ABLIM1: variants seen among roughly 807,000 people sequenced by gnomAD.
The protein encoded by ABLIM1 is actin binding LIM protein 1.
Under a neutral mutation model 107.0 loss-of-function variants are expected in ABLIM1, and 40 were observed. The observed-to-expected ratio is 0.37, with a 90% CI of 0.29 to 0.49. The LOEUF (loss-of-function observed/expected upper bound fraction) is 0.49, where lower values mean the gene tolerates loss of function less well. Among genes scored for constraint, ABLIM1 ranks in the 20% least tolerant of loss-of-function variants. The probability of loss-of-function intolerance (pLI) is 0.97; values close to 1 mark genes in which losing one functional copy is unlikely to be tolerated. For missense variants in ABLIM1, 857 were observed against 1,008.5 expected (o/e 0.85, Z 2.04); for synonymous variants, 357 against 357.3 (o/e 1.00, Z 0.01).
the ABLIM1 span, among the ~76,000 whole-genome samples, chr10:114,773,664 G>C: frequency 2.0e-5 from 3 of 152,212 alleles, no homozygotes; most frequent in Non-Finnish European, 4.4e-5. Flanking sequence ...GGAGGATGCA[G>C]TGAGCTGAGA....
intron 2 of ABLIM1, among the ~76,000 whole-genome samples, chr10:114,582,375 A>G (rs898364503): frequency 2.0e-5 from 3 of 152,130 alleles, no homozygotes; most frequent in Admixed American, 1.3e-4. Context: ...GCAACAAACA[A>G]AAAACACATT....
intron 1 of ABLIM1, among the ~76,000 whole-genome samples, chr10:114,749,722 T>TC (rs1166196668): frequency 6.6e-6 from 1 of 151,926 alleles, no homozygotes; most frequent in Non-Finnish European, 1.5e-5. Flanking sequence ...CTCTCTGCCC[T>TC]CCCCTCCTAC....
intron 1 of ABLIM1, among the ~76,000 whole-genome samples, chr10:114,718,898 TAGA>T (rs1328688996): frequency 1.3e-5 from 2 of 152,230 alleles, no homozygotes; most frequent in East Asian, 1.9e-4. Context: ...GAAAAGTTAC[TAGA>T]AGGTTTCCGA....
In ABLIM1 at chr10:114,601,873, A is replaced by G; in HGVS notation, c.333T>C (p.Leu111=). Residue 111 remains leucine, a synonymous_variant, in exon 2 of 23, where the codon CTT becomes CTC. Transcript: ENST00000533213. ...TGTGGAAATGTTTGGTCTGGACCCGAAGCACTTCACCCTTGCAAGGCTCCC... is the reference window on the plus strand; with the variant it reads ...TGTGGAAATGTTTGGTCTGGACCCGGAGCACTTCACCCTTGCAAGGCTCCC... The part of the protein sequence containing the change: ...KCGEPCKGEV[L]RVQTKHFHIK... 1.9e-6 allele frequency: 3 copies of G among 1,614,146 alleles called. No homozygotes were observed. Among genetic ancestry groups the G allele is most frequent in the Non-Finnish European group, 2.5e-6 (3 of 1,180,020 alleles).
At chr10:114,468,136 T>A in intron 11 of ABLIM1, 45 bp downstream of exon 11, 1 of 1,565,242 alleles carries the variant, frequency 6.4e-7, no homozygotes, top group Non-Finnish European at 8.8e-7. Context: ...GCCAAGCAAT[T>A]CTCAAATTCC....
intron 1 of ABLIM1, among the ~76,000 whole-genome samples, chr10:114,763,132 G>A (rs556606094): frequency 6.6e-6 from 1 of 152,282 alleles, no homozygotes; most frequent in South Asian, 2.1e-4. Context: ...TTTGTTTTCT[G>A]CATGTGTCTT....
At position 114,491,012 on chromosome 10, in the gene ABLIM1, G is replaced by GTGTGTGTATATATATATATATATATA; in HGVS notation, c.982+778_982+779insTATATATATATATATATATACACACA. On this transcript the variant is annotated intron_variant, in intron 7 of 22. Coordinates refer to ENST00000533213, the MANE Select transcript of ABLIM1 (RefSeq NM_002313.7). ...TGTGTGTGTGTGTGTGTGTGTGTGT[G>GTGTGTGTATATATATATATATATATA]TATATATATATATGGTCTATTTTAT... Among the ~76,000 whole-genome samples, 163 of 92,314 alleles carry GTGTGTGTATATATATATATATATATA rather than the reference G, an allele frequency of 1.8e-3. 2 individuals are homozygous for GTGTGTGTATATATATATATATATATA. The East Asian group carries it at 0.019, about 11-fold the overall frequency. The allele number at this position is 92,314 out of a possible 152,430, so 60.6% of individuals were successfully genotyped here.
chr10:114,594,664 C>T (rs550649053), intron 2 of ABLIM1, among the ~76,000 whole-genome samples: 2 of 152,270 alleles, frequency 1.3e-5, no homozygotes, highest in South Asian at 2.1e-4. Flanking sequence ...GCAGGGGAAT[C>T]GTTTGAACCT....
At chr10:114,446,074 A>G (rs1282278446) in intron 15 of ABLIM1, among the ~76,000 whole-genome samples, 4 of 152,202 alleles carry the variant, frequency 2.6e-5, no homozygotes, top group African/African-American at 9.6e-5. Flanking sequence ...GCCCAGCCTC[A>G]ATTTTCAAAT....
At chr10:114,704,270 C>T (rs1338824876) in intron 1 of ABLIM1, among the ~76,000 whole-genome samples, 1 of 58,072 alleles carries the variant, frequency 1.7e-5, no homozygotes, top group African/African-American at 7.2e-5. Flanking sequence ...ATCTCTCTCT[C>T]GCTCTCTCTC....
chr10:114,526,644 GC>G lies in ABLIM1; in HGVS notation c.894+18360del, dbSNP rs1160416876. 1.8e-5 allele frequency: 18 copies of G among 985,410 alleles called. No individual in the cohort carries two copies. In the Admixed American group the frequency reaches 3.7e-4, roughly 20 times the overall value. The allele number at this position is 985,410 out of a possible 1,614,324, so 61.0% of individuals were successfully genotyped here. ...AAGCAAAGGACATAGGTCACCTTGT[GC>G]AATGTCCGCTTTACCTCAGGCCAGG... On this transcript the variant is annotated intron_variant, in intron 6 of 22. Transcript: ENST00000533213.
chr10:114,570,768 A>G (rs867512277), intron 4 of ABLIM1, among the ~76,000 whole-genome samples: 8 of 151,612 alleles, frequency 5.3e-5, no homozygotes, highest in Admixed American at 6.6e-5. Flanking sequence ...ACTATCATAC[A>G]CAGCTACTTT....
intron 4 of ABLIM1, among the ~76,000 whole-genome samples, chr10:114,564,911 T>C (rs7089641): frequency 0.081 from 12,333 of 152,226 alleles, 893 homozygotes; most frequent in African/African-American, 0.19. Context: ...GGCCAACACA[T>C]ATGTGCTTCC....
intron 1 of ABLIM1, among the ~76,000 whole-genome samples, chr10:114,634,286 C>T (rs918180072): frequency 6.7e-5 from 10 of 148,906 alleles, no homozygotes; most frequent in Admixed American, 1.3e-4. Context: ...GCGCCCGCTA[C>T]CACGCCCGGC....
At chr10:114,559,209 C>T (rs1213602335) in intron 4 of ABLIM1, among the ~76,000 whole-genome samples, 5 of 151,850 alleles carry the variant, frequency 3.3e-5, no homozygotes, top group Non-Finnish European at 7.4e-5. Flanking sequence ...ATGCCATTTG[C>T]ATAGCAAGAG....
chr10:114,761,444 G>A (rs1353096302), intron 1 of ABLIM1, among the ~76,000 whole-genome samples: 2 of 152,098 alleles, frequency 1.3e-5, no homozygotes, highest in East Asian at 1.9e-4. Flanking sequence ...TCTCGGCTCA[G>A]TCTGCAACCA....
the ABLIM1 span, among the ~76,000 whole-genome samples, chr10:114,798,165 A>C: frequency 6.6e-6 from 1 of 152,198 alleles, no homozygotes; most frequent in African/African-American, 2.4e-5. Flanking sequence ...TCATGCCTGT[A>C]ATCCCAGCAC....
chr10:114,489,602 C>T (rs535129661), intron 7 of ABLIM1, among the ~76,000 whole-genome samples: 16 of 152,262 alleles, frequency 1.1e-4, no homozygotes, highest in African/African-American at 3.6e-4. Flanking sequence ...CTACAAAGCA[C>T]AGGAAATCCT....
rs201195402 is a variant in ABLIM1 at position 114,589,540 on chromosome 10, A to AAGAG, written c.379+12283_379+12286dup. On this transcript the variant is annotated intron_variant, in intron 2 of 22. Transcript: ENST00000533213. ...TGAGACTCTGTCTCAAAAAAAAAAA[A>AAGAG]AGAGAGAGAGAGAGAGGGGCTTGGT... Among the ~76,000 whole-genome samples the AAGAG allele has an allele frequency of 2.0e-5, 3 of 149,564 alleles. 1 individual carries two copies. The highest frequency in any genetic ancestry group is 2.0e-4 in the Admixed American group (3 of 15,048).
Sources: allele counts gnomAD v4.1 joint callset (sites outside exome capture counted in the v4.1 genomes callset), GRCh38; gene constraint gnomAD v4.1.1; transcripts MANE v1.5; gene names NCBI Gene and HGNC (gene_info 2026-07-23, HGNC 2026-07-21).